Variants in AKT3 observed in about 807,000 individuals in gnomAD.
The protein encoded by AKT3 is AKT serine/threonine kinase 3, also known as RAC-gamma serine/threonine-protein kinase.
A neutral mutation model predicts 65.3 loss-of-function variants in AKT3; 15 were observed. That is an observed-to-expected ratio of 0.23 (90% CI 0.15 to 0.35). The LOEUF (loss-of-function observed/expected upper bound fraction) is 0.35, where lower values mean the gene tolerates loss of function less well. Ranked by LOEUF, AKT3 falls within the 10% of genes least tolerant of loss-of-function variation. The probability of loss-of-function intolerance (pLI) is 1.00; values close to 1 mark genes in which losing one functional copy is unlikely to be tolerated. For missense variants in AKT3, 243 were observed against 576.5 expected (o/e 0.42, Z 5.92); for synonymous variants, 206 against 183.8 (o/e 1.12, Z -0.98).
chr1:243,684,364 G>T (rs1229506859), intron 3 of AKT3, among the ~76,000 whole-genome samples: 1 of 151,800 alleles, frequency 6.6e-6, no homozygotes, highest in African/African-American at 2.4e-5. Context: ...GTGTCCCTGT[G>T]TTCTCACTGT....
chr1:243,846,632 T>C (rs991924434), intron 1 of AKT3, among the ~76,000 whole-genome samples: 1 of 152,152 alleles, frequency 6.6e-6, no homozygotes, highest in Admixed American at 6.5e-5. Flanking sequence ...TCTGTAAACA[T>C]TTGAGTTATT....
intron 3 of AKT3, among the ~76,000 whole-genome samples, chr1:243,683,987 TGCAGCA>T (rs1160562916): frequency 6.6e-6 from 1 of 152,216 alleles, no homozygotes; most frequent in African/African-American, 2.4e-5. Flanking sequence ...TTTCTCAGCC[TGCAGCA>T]GCTTTGTCTT....
chr1:243,750,623 C>T (rs577051382), intron 2 of AKT3, among the ~76,000 whole-genome samples: 2 of 151,344 alleles, frequency 1.3e-5, no homozygotes, highest in East Asian at 3.9e-4. Context: ...CCTTTGTCGC[C>T]CAGGCTGGAG....
At chr1:243,593,508 G>A (rs1259419417) in intron 8 of AKT3, among the ~76,000 whole-genome samples, 2 of 152,156 alleles carry the variant, frequency 1.3e-5, no homozygotes, top group Non-Finnish European at 2.9e-5. Flanking sequence ...CTAACATAGT[G>A]AAACCCCAAC....
At chr1:243,735,023 G>C (rs1056876801) in intron 2 of AKT3, 1 of 152,032 alleles carries the variant, frequency 6.6e-6, no homozygotes, top group African/African-American at 2.4e-5. Flanking sequence ...GGCTTTTGGG[G>C]GCAATAATGT....
At chr1:243,505,368 C>T (rs1184271513) in intron 13 of AKT3, 34 bp from the exon 14 acceptor site, 1 of 1,591,078 alleles carries the variant, frequency 6.3e-7, no homozygotes, top group Non-Finnish European at 8.6e-7. Context: ...TAATTTTACA[C>T]ATTCATTTTT....
In AKT3 at chr1:243,502,581, G is replaced by A. The variant is rs561486286; in HGVS notation, c.*2668C>T. ...TGCCAGAACCCAAAACTACAACTAT[G>A]GGCGACACAAGGGAAGTTTTAGAAA... is the stretch of plus-strand genomic sequence containing the variant. On this transcript the variant is annotated 3_prime_UTR_variant, in exon 14 of 14. Transcript: ENST00000673466. The A allele has an allele frequency of 4.3e-6, 1 of 233,180 alleles. No homozygotes were observed. The highest frequency in any genetic ancestry group is 5.6e-5 in the Admixed American group (1 of 17,784). The allele number at this position is 233,180 out of a possible 1,614,324, so 14.4% of individuals were successfully genotyped here. A position where few individuals can be genotyped will look rare whatever the true frequency, so the allele number is the denominator to read the frequency against.
chr1:243,670,698 AT>A (rs945276309), intron 3 of AKT3, among the ~76,000 whole-genome samples: 3 of 152,220 alleles, frequency 2.0e-5, no homozygotes, highest in African/African-American at 7.2e-5. Flanking sequence ...GCTAACTCTT[AT>A]TATAACATCT....
intron 5 of AKT3, among the ~76,000 whole-genome samples, chr1:243,638,062 T>C (rs898346571): frequency 2.6e-5 from 4 of 152,124 alleles, no homozygotes; most frequent in African/African-American, 9.7e-5. Flanking sequence ...TTCAAGGATT[T>C]AGTAGTGCTG....
intron 2 of AKT3, among the ~76,000 whole-genome samples, chr1:243,711,366 A>G (rs1259236066): frequency 2.6e-5 from 4 of 152,124 alleles, no homozygotes; most frequent in Admixed American, 2.0e-4. Context: ...TGAAATCATC[A>G]TCACTAAATA....
intron 12 of AKT3, among the ~76,000 whole-genome samples, chr1:243,526,019 C>A (rs149443152): frequency 1.7e-4 from 25 of 151,358 alleles, no homozygotes; most frequent in African/African-American, 6.1e-4. Context: ...GAGTCTGTCA[C>A]GGTTCCATGA....
At chr1:243,505,868 G>T (rs1436967103) in intron 13 of AKT3, among the ~76,000 whole-genome samples, 1 of 152,158 alleles carries the variant, frequency 6.6e-6, no homozygotes, top group African/African-American at 2.4e-5. Flanking sequence ...TAAAACTTTA[G>T]CATGAAGGGA....
chr1:243,595,424 AATAATT>A (rs1676535222), intron 8 of AKT3, among the ~76,000 whole-genome samples: 1 of 152,188 alleles, frequency 6.6e-6, no homozygotes, highest in East Asian at 1.9e-4. Flanking sequence ...TAATGTATAA[AATAATT>A]AAAATTATTT....
chr1:243,653,335 G>A (rs911203552), intron 4 of AKT3, among the ~76,000 whole-genome samples: 5 of 152,148 alleles, frequency 3.3e-5, no homozygotes, highest in Non-Finnish European at 7.3e-5. Context: ...AACAAGTTCT[G>A]AAATTCAGGC....
chr1:243,621,250 C>T (rs748504003), intron 6 of AKT3, among the ~76,000 whole-genome samples: 6 of 152,162 alleles, frequency 3.9e-5, no homozygotes, highest in Admixed American at 6.6e-5. Context: ...CAGCCTCACT[C>T]GTTCACACTT....
At chr1:243,843,091 C>T (rs2148477341) in intron 2 of AKT3, 34 bp downstream of exon 2, 1 of 1,611,654 alleles carries the variant, frequency 6.2e-7, no homozygotes, top group Non-Finnish European at 8.5e-7. Context: ...GCACTCTTAC[C>T]AACCGTATTA....
chr1:243,540,078 T>C (rs1672206995), intron 12 of AKT3, among the ~76,000 whole-genome samples: 1 of 151,974 alleles, frequency 6.6e-6, no homozygotes, highest in Non-Finnish European at 1.5e-5. Flanking sequence ...AAAGGAGGAG[T>C]ACTTCCCCTT....
rs371581892 is a variant in AKT3 at position 243,645,886 on chromosome 1, T to C, written c.429+7A>G. The C allele has an allele frequency of 3.8e-5, 61 of 1,602,100 alleles. No individual in the cohort carries two copies. The highest frequency in any genetic ancestry group is 4.8e-5 in the Non-Finnish European group (56 of 1,174,464). On this transcript the variant is annotated splice_region_variant and intron_variant, in intron 5 of 13. Transcript: ENST00000673466. ...TGCTGTGCTGGGAATAAGTTATTATTTTCTACCTTTCTTTTATGATGGGTT... is the reference window on the plus strand; with the variant it reads ...TGCTGTGCTGGGAATAAGTTATTATCTTCTACCTTTCTTTTATGATGGGTT...
intron 2 of AKT3, among the ~76,000 whole-genome samples, chr1:243,789,735 AGCAGCC>A (rs1691499255): frequency 1.3e-5 from 2 of 152,344 alleles, no homozygotes; most frequent in Non-Finnish European, 2.9e-5. Flanking sequence ...TACCTATGGC[AGCAGCC>A]ATACCCTTAG....
Sources: gnomAD v4.1 joint callset for allele counts (sites outside exome capture counted in the v4.1 genomes callset) on GRCh38, gnomAD v4.1.1 for gene constraint, MANE v1.5 for transcripts, NCBI Gene and HGNC (gene_info 2026-07-23, HGNC 2026-07-21) for gene names.